GRPEL1: variants seen among roughly 807,000 people sequenced by gnomAD.
GRPEL1 encodes the protein grpE protein homolog 1, mitochondrial.
Under a neutral mutation model 22.1 loss-of-function variants are expected in GRPEL1, and 13 were observed. That is an observed-to-expected ratio of 0.59 (90% confidence interval 0.38 to 0.94). The LOEUF (loss-of-function observed/expected upper bound fraction) is 0.94. Among genes scored for constraint, GRPEL1 ranks in the 40% least tolerant of loss-of-function variants. GRPEL1 has a pLI of 0.00. For synonymous variants in GRPEL1, 109 were observed against 105.3 expected, an observed-to-expected ratio of 1.03 and a Z score of -0.21; for missense variants, 289 against 264.6, an observed-to-expected ratio of 1.09 and a Z score of -0.64.
chr4:7,063,582 C>T (rs1003034200), intron 2 of GRPEL1, among the ~76,000 whole-genome samples: 6 of 152,222 alleles, frequency 3.9e-5, no homozygotes, highest in African/African-American at 1.4e-4. Flanking sequence ...TGCCAGCACT[C>T]AGGGTTTGAT....
chr4:7,067,923 G>A lies in GRPEL1; in HGVS notation c.62+48C>T, dbSNP rs771420040. ...GGCCGGGAAAGGCCCCCATCGGAGC[G>A]GGAGGTCGCGCTGCCACCTCCACCC... On this transcript the variant is annotated intron_variant, in intron 1 of 3. Transcript: ENST00000264954. The A allele has an allele frequency of 8.8e-6, 14 of 1,582,040 alleles. No homozygotes were observed. The South Asian group carries it at 1.2e-4, about 14-fold the overall frequency.
In GRPEL1 at chr4:7,060,721, C is replaced by A; in HGVS notation, c.*141G>T. On this transcript the variant is annotated 3_prime_UTR_variant, in exon 4 of 4. Coordinates refer to ENST00000264954, the MANE Select transcript of GRPEL1 (RefSeq NM_025196.4). ...TTCATTAATGCAGTTGGGCAACCGG[C>A]TTTTCTGTTTAGCCACTGGTTACTT... is the stretch of plus-strand genomic sequence containing the variant. 2 of 769,092 alleles carry A rather than the reference C, an allele frequency of 2.6e-6. No individual in the cohort carries two copies. Among genetic ancestry groups the A allele is most frequent in the South Asian group, 3.4e-5 (2 of 58,384 alleles). 47.6% of individuals were successfully genotyped at this position (769,092 alleles called of 1,614,324 possible). A position where few individuals can be genotyped will look rare whatever the true frequency, so the allele number is the denominator to read the frequency against.
At position 7,060,369 on chromosome 4, in the gene GRPEL1, A is replaced by G. The variant is rs1021328075; in HGVS notation, c.*493T>C. ...TTGACTGAAGACAAACGAACTCACT[A>G]TGTTCTTCACAAAGATCATTTTTTT... On this transcript the variant is annotated 3_prime_UTR_variant, in exon 4 of 4. Coordinates refer to ENST00000264954, the MANE Select transcript of GRPEL1 (RefSeq NM_025196.4). 1 of 156,646 alleles carries G rather than the reference A, an allele frequency of 6.4e-6. No homozygotes were observed. The highest frequency in any genetic ancestry group is 1.9e-4 in the South Asian group (1 of 5,330). The allele number at this position is 156,646 out of a possible 1,614,324, so 9.7% of individuals were successfully genotyped here. A position where few individuals can be genotyped will look rare whatever the true frequency, so the allele number is the denominator to read the frequency against.
intron 1 of GRPEL1, among the ~76,000 whole-genome samples, chr4:7,065,243 G>A (rs915242404): frequency 6.6e-6 from 1 of 152,206 alleles, no homozygotes; most frequent in African/African-American, 2.4e-5. Flanking sequence ...AGACAGGTTC[G>A]CTGGCTCACG....
chr4:7,067,859 T>C (rs1724213211), intron 1 of GRPEL1, 112 bp downstream of exon 1: 1 of 1,122,368 alleles, frequency 8.9e-7, no homozygotes, highest in Non-Finnish European at 1.3e-6. Context: ...AGCCCGGAGA[T>C]GCCCAGCTCC....
At chr4:7,063,578 C>T (rs1032725544) in intron 2 of GRPEL1, among the ~76,000 whole-genome samples, 1 of 152,218 alleles carries the variant, frequency 6.6e-6, no homozygotes. Context: ...ATGGTGCCAG[C>T]ACTCAGGGTT....
intron 2 of GRPEL1, 52 bp downstream of exon 2, chr4:7,064,009 G>A (rs764566713): frequency 4.4e-6 from 7 of 1,576,712 alleles, no homozygotes; most frequent in Non-Finnish European, 6.0e-6. Context: ...TGTGGCCCAG[G>A]AGAGAAACAG....
rs1724207634 is a variant in GRPEL1 at position 7,067,703 on chromosome 4, C to T, written c.62+268G>A. On this transcript the variant is annotated intron_variant, in intron 1 of 3. Coordinates refer to ENST00000264954, the MANE Select transcript of GRPEL1 (RefSeq NM_025196.4). The stretch of plus-strand genomic sequence containing the variant: ...CACACGCGCACGTGGGCCACCGTAC[C>T]TTCCGAGCCAAACGCCCCCCGCGCT... Among the ~76,000 whole-genome samples the T allele has an allele frequency of 2.6e-5, 4 of 152,260 alleles. No individual in the cohort carries two copies. In the South Asian group the frequency reaches 8.3e-4, roughly 31 times the overall value.
Position 7,059,011 on chromosome 4 carries a change from A to G in GRPEL1, c.*1851T>C, listed in dbSNP as rs930310362. ...AACGTGCCCTCCAGTCTAGAGCAAC[A>G]GGCTACATACACCATATAGCCTAGG... is the stretch of plus-strand genomic sequence containing the variant. On this transcript the variant is annotated 3_prime_UTR_variant, in exon 4 of 4. Transcript: ENST00000264954. 2 of 152,230 alleles carry G rather than the reference A, an allele frequency of 1.3e-5. No individual in the cohort carries two copies. Among genetic ancestry groups the G allele is most frequent in the Admixed American group, 6.5e-5 (1 of 15,280 alleles). The allele number at this position is 152,230 out of a possible 1,614,324, so 9.4% of individuals were successfully genotyped here. A position where few individuals can be genotyped will look rare whatever the true frequency, so the allele number is the denominator to read the frequency against.
In GRPEL1 at chr4:7,060,907, C is replaced by T. The variant is rs1488310534; in HGVS notation, c.609G>A (p.Gly203=). 1 of 1,614,152 alleles carries T rather than the reference C, an allele frequency of 6.2e-7. No homozygotes were observed. The highest frequency in any genetic ancestry group is 8.5e-7 in the Non-Finnish European group (1 of 1,179,996). Residue 203 remains glycine, a synonymous_variant, in exon 4 of 4, where the codon GGG becomes GGA. Transcript: ENST00000264954. ...LVSKVGYKLH[G]RTLRPALVGV... ...CCACCAGGGCGGGTCTCAGAGTGCG[C>T]CCATGCAGCTTGTACCCCACTTTGC...
At position 7,060,919 on chromosome 4, in the gene GRPEL1, G is replaced by T; in HGVS notation, c.597C>A (p.Tyr199Ter). The T allele has an allele frequency of 1.2e-6, 2 of 1,614,188 alleles. No homozygotes were observed. Among genetic ancestry groups the T allele is most frequent in the Non-Finnish European group, 1.7e-6 (2 of 1,180,028 alleles). ...GTVALVSKVGYKLHGRTLRPA... is the reference protein window; with the variant it reads ...GTVALVSKVG Reference sequence around the variant, plus strand: ...GTCTCAGAGTGCGCCCATGCAGCTTGTACCCCACTTTGCTAACTAGGGCCA... The same window carrying T: ...GTCTCAGAGTGCGCCCATGCAGCTTTTACCCCACTTTGCTAACTAGGGCCA... Residue 199 changes from tyrosine (Y) to a stop codon, truncating the protein, a stop_gained, in exon 4 of 4, where the codon TAC (tyrosine) becomes TAA (stop). Coordinates refer to ENST00000264954, the MANE Select transcript of GRPEL1 (RefSeq NM_025196.4). LOFTEE classifies it high-confidence loss of function.
intron 1 of GRPEL1, chr4:7,067,496 G>A (rs1724197375): frequency 1.2e-5 from 2 of 161,272 alleles, no homozygotes; most frequent in African/African-American, 2.4e-5. Context: ...GCTGCGGCAC[G>A]GAAATGAGTA....
chr4:7,065,856 C>T (rs1201858264), intron 1 of GRPEL1, among the ~76,000 whole-genome samples: 222 of 142,140 alleles, frequency 1.6e-3, no homozygotes, highest in Middle Eastern at 7.4e-3. Context: ...CAGAGGACCT[C>T]TTTTTTTTTT....
rs944326548 is a variant in GRPEL1, at chr4:7,059,649, C to G, written c.*1213G>C. On this transcript the variant is annotated 3_prime_UTR_variant, in exon 4 of 4. Transcript: ENST00000264954. ...AGTGAAATAAACTGCCCCATCTTTC[C>G]TGTGCAGCAAATGGCTTTCACAAGT... The G allele has an allele frequency of 6.6e-6, 1 of 152,248 alleles. No homozygotes were observed. Among genetic ancestry groups the G allele is most frequent in the Non-Finnish European group, 1.5e-5 (1 of 68,046 alleles). 9.4% of individuals were successfully genotyped at this position (152,248 alleles called of 1,614,324 possible). A position where few individuals can be genotyped will look rare whatever the true frequency, so the allele number is the denominator to read the frequency against.
rs1724019994 is a variant in GRPEL1, at chr4:7,060,691, T to TA, written c.*170dup. The TA allele has an allele frequency of 6.1e-6, 4 of 654,902 alleles. No homozygotes were observed. Among genetic ancestry groups the TA allele is most frequent in the Non-Finnish European group, 1.1e-5 (4 of 372,138 alleles). The allele number at this position is 654,902 out of a possible 1,614,324, so 40.6% of individuals were successfully genotyped here. On this transcript the variant is annotated 3_prime_UTR_variant, in exon 4 of 4. Coordinates refer to ENST00000264954, the MANE Select transcript of GRPEL1 (RefSeq NM_025196.4). ...ACTAAAAGGGAACAGACTCCCGAAT[T>TA]AGAGTTCATTAATGCAGTTGGGCAA...
In GRPEL1 at chr4:7,064,397, T is replaced by C. The variant is rs1453820732; in HGVS notation, c.63-174A>G. 3.4e-5 allele frequency: 19 copies of C among 553,126 alleles called. No homozygotes were observed. In the Admixed American group the frequency reaches 6.7e-4, roughly 20 times the overall value. 34.3% of individuals were successfully genotyped at this position (553,126 alleles called of 1,614,324 possible). A position where few individuals can be genotyped will look rare whatever the true frequency, so the allele number is the denominator to read the frequency against. On this transcript the variant is annotated intron_variant, in intron 1 of 3. Coordinates refer to ENST00000264954, the MANE Select transcript of GRPEL1 (RefSeq NM_025196.4). ...TGTACGTGACATATAGAAGCTATAT[T>C]AGTAAATATAAAAGCTGTAAGTCAT...
At position 7,061,119 on chromosome 4, in the gene GRPEL1, C is replaced by G; in HGVS notation, c.397G>C (p.Asp133His). The change falls in exon 4 of 4, where the codon GAT becomes CAT. Residue 133 changes from aspartate (D) to histidine (H), a missense_variant. Transcript: ENST00000264954. ...TAGAGGTTCTTCAGGTGAGGGTTAT[C>G]GTCTTTAATTTCTTCTTTTGGAACA... ...QCVPKEEIKD[D>H]NPHLKNLYEG... is the part of the protein sequence containing the mutation. 1 of 1,614,194 alleles carries G rather than the reference C, an allele frequency of 6.2e-7. No individual in the cohort carries two copies. Among genetic ancestry groups the G allele is most frequent in the South Asian group, 1.1e-5 (1 of 91,084 alleles).
chr4:7,061,438 G>A (rs1452235434), intron 3 of GRPEL1: 1 of 515,596 alleles, frequency 1.9e-6, no homozygotes. Flanking sequence ...TGTGAAGAAA[G>A]GAGTGCAGTA....
At chr4:7,066,672 C>T (rs1229821502) in intron 1 of GRPEL1, among the ~76,000 whole-genome samples, 1 of 152,346 alleles carries the variant, frequency 6.6e-6, no homozygotes. Flanking sequence ...AGCCACCAGC[C>T]TTTCTGCAGG....
Sources: allele counts gnomAD v4.1 joint callset (sites outside exome capture counted in the v4.1 genomes callset), GRCh38; gene constraint gnomAD v4.1.1; transcripts MANE v1.5; gene names NCBI Gene and HGNC (gene_info 2026-07-23, HGNC 2026-07-21).